KCNN2: variants seen among roughly 807,000 people sequenced by gnomAD.
KCNN2 encodes small conductance calcium-activated potassium channel protein 2.
KCNN2 carries 24 observed loss-of-function variants against 55.5 expected under a neutral mutation model. That is an observed-to-expected ratio of 0.43 (90% CI 0.31 to 0.61). The LOEUF is 0.61. KCNN2 is among the 20% of genes least tolerant of loss of function. The probability of loss-of-function intolerance (pLI) is 0.08; values close to 1 mark genes in which losing one functional copy is unlikely to be tolerated. For synonymous variants in KCNN2, 431 were observed against 336.1 expected (o/e 1.28, Z -3.09); for missense variants, 754 against 853.6 (o/e 0.88, Z 1.45).
At chr5:114,165,330 C>T (rs1251436792) in intron 1 of KCNN2, among the ~76,000 whole-genome samples, 2 of 152,144 alleles carry the variant, frequency 1.3e-5, no homozygotes, top group Non-Finnish European at 2.9e-5. Flanking sequence ...AGGATGAAGC[C>T]TTTGTGATGA....
chr5:114,120,099 T>G lies in KCNN2; in HGVS notation c.-271+63599T>G, dbSNP rs1751796527. On this transcript the variant is annotated intron_variant, in intron 1 of 10. Coordinates refer to the KCNN2 transcript ENST00000512097. The stretch of plus-strand genomic sequence containing the variant: ...TTTGATCATCATTTATCCAGGAAGC[T>G]CTTGATTTTTTTAAAAGAATAAAGC... 2.0e-5 allele frequency among the ~76,000 whole-genome samples: 3 copies of G among 152,258 alleles called. No individual in the cohort carries two copies. In the South Asian group the frequency reaches 6.2e-4, roughly 32 times the overall value.
intron 2 of KCNN2, among the ~76,000 whole-genome samples, chr5:114,401,232 C>A (rs576207337): frequency 8.3e-4 from 126 of 151,988 alleles, no homozygotes; most frequent in African/African-American, 3.0e-3. Flanking sequence ...GGTATTAAGA[C>A]CTTTGATAGT....
chr5:114,353,965 A>G (rs965489752), intron 2 of KCNN2, among the ~76,000 whole-genome samples: 2 of 151,534 alleles, frequency 1.3e-5, no homozygotes, highest in African/African-American at 4.8e-5. Context: ...GTTTTTATCA[A>G]ATTTGGAAAG....
chr5:114,183,068 T>G (rs187613602), intron 1 of KCNN2, among the ~76,000 whole-genome samples: 1 of 152,146 alleles, frequency 6.6e-6, no homozygotes, highest in Non-Finnish European at 1.5e-5. Flanking sequence ...GAGAGGATTT[T>G]ATTTTTAATC....
At chr5:114,192,877 A>G (rs536420552) in intron 1 of KCNN2, among the ~76,000 whole-genome samples, 1 of 152,082 alleles carries the variant, frequency 6.6e-6, no homozygotes, top group South Asian at 2.1e-4. Flanking sequence ...CTTCCTCTTC[A>G]TGTCTTCTGT....
chr5:114,102,272 A>G (rs1004314361), intron 1 of KCNN2, among the ~76,000 whole-genome samples: 4 of 151,234 alleles, frequency 2.6e-5, no homozygotes, highest in African/African-American at 9.7e-5. Context: ...CCACATTTTG[A>G]TGGAGTTGTT....
intron 5 of KCNN2, among the ~76,000 whole-genome samples, chr5:114,482,208 G>A (rs145335037): frequency 9.0e-4 from 137 of 152,120 alleles, no homozygotes; most frequent in African/African-American, 3.3e-3. Context: ...TTAAAAAGTG[G>A]GCAAAGGACA....
intron 3 of KCNN2, among the ~76,000 whole-genome samples, chr5:114,456,585 G>T (rs1760938405): frequency 6.6e-6 from 1 of 152,138 alleles, no homozygotes. Context: ...AATACATTTT[G>T]TAAGGCTATA....
At chr5:114,448,963 G>A (rs1221911054) in intron 3 of KCNN2, among the ~76,000 whole-genome samples, 2 of 152,170 alleles carry the variant, frequency 1.3e-5, no homozygotes, top group Non-Finnish European at 1.5e-5. Context: ...TCAGGAATAC[G>A]TGACTGATAC....
intron 1 of KCNN2, among the ~76,000 whole-genome samples, chr5:114,075,685 A>G (rs1750672244): frequency 6.6e-6 from 1 of 151,962 alleles, no homozygotes; most frequent in Non-Finnish European, 1.5e-5. Flanking sequence ...CCATGTCCTT[A>G]TTCCTTGAAT....
chr5:114,220,457 C>G (rs1754109688), intron 1 of KCNN2, among the ~76,000 whole-genome samples: 1 of 151,586 alleles, frequency 6.6e-6, no homozygotes. Flanking sequence ...AGTAAATTAT[C>G]CAAAGAAATA....
chr5:114,143,546 G>T (rs187849453), intron 1 of KCNN2, among the ~76,000 whole-genome samples: 1 of 152,082 alleles, frequency 6.6e-6, no homozygotes, highest in African/African-American at 2.4e-5. Flanking sequence ...GGTGCCCCTC[G>T]TGCGTCCATT....
intron 2 of KCNN2, among the ~76,000 whole-genome samples, chr5:114,225,969 T>G (rs1393837846): frequency 6.6e-6 from 1 of 152,182 alleles, no homozygotes; most frequent in Non-Finnish European, 1.5e-5. Flanking sequence ...ATAAAGCATG[T>G]AGTGAAATTC....
chr5:114,077,506 G>T (rs1451825904), intron 1 of KCNN2, among the ~76,000 whole-genome samples: 2 of 152,170 alleles, frequency 1.3e-5, no homozygotes, highest in African/African-American at 2.4e-5. Context: ...AGTTTCAAAA[G>T]GTAAAGGACA....
chr5:114,070,172 C>G (rs1750538103), intron 1 of KCNN2, among the ~76,000 whole-genome samples: 1 of 152,098 alleles, frequency 6.6e-6, no homozygotes, highest in Non-Finnish European at 1.5e-5. Context: ...GAGCAACTGT[C>G]TCGACTGTCT....
At chr5:114,423,932 C>T (rs149111893) in intron 3 of KCNN2, among the ~76,000 whole-genome samples, 3 of 152,210 alleles carry the variant, frequency 2.0e-5, no homozygotes, top group Admixed American at 1.3e-4. Flanking sequence ...AGGTGCAGGG[C>T]AGTTTCGAGG....
chr5:114,381,644 T>G (rs1437691359), intron 2 of KCNN2, among the ~76,000 whole-genome samples: 1 of 152,208 alleles, frequency 6.6e-6, no homozygotes, highest in African/African-American at 2.4e-5. Context: ...TACCCTTGGA[T>G]TTTTCAGCTC....
intron 6 of KCNN2, among the ~76,000 whole-genome samples, chr5:114,490,075 C>T (rs957831979): frequency 6.6e-6 from 1 of 152,162 alleles, no homozygotes; most frequent in Non-Finnish European, 1.5e-5. Flanking sequence ...TAGATTGTCA[C>T]TTAGTGTCGT....
chr5:114,280,877 C>T (rs1755609641), intron 2 of KCNN2, among the ~76,000 whole-genome samples: 1 of 152,144 alleles, frequency 6.6e-6, no homozygotes, highest in African/African-American at 2.4e-5. Flanking sequence ...ACTCTCCAGC[C>T]TTGTTTCCTA....
Sources: allele counts gnomAD v4.1 joint callset (sites outside exome capture counted in the v4.1 genomes callset), GRCh38; gene constraint gnomAD v4.1.1; transcripts MANE v1.5; gene names NCBI Gene and HGNC (gene_info 2026-07-23, HGNC 2026-07-21).